Variants in CERS6 observed in about 807,000 individuals in gnomAD.
CERS6 encodes LAG1 homolog, ceramide synthase 6.
In CERS6, 26 loss-of-function variants were observed where a neutral mutation model predicts 56.8. That is an observed-to-expected ratio of 0.46 (90% CI 0.34 to 0.63). The LOEUF (loss-of-function observed/expected upper bound fraction) is 0.63, where lower values mean the gene tolerates loss of function less well. Among genes scored for constraint, CERS6 ranks in the 30% least tolerant of loss-of-function variants. The pLI is 0.01. For missense variants in CERS6, 415 were observed against 467.5 expected, an observed-to-expected ratio of 0.89 and a Z score of 1.04; for synonymous variants, 164 against 173.3, an observed-to-expected ratio of 0.95 and a Z score of 0.42.
At chr2:168,758,879 A>G (rs1684487764) in intron 8 of CERS6, among the ~76,000 whole-genome samples, 1 of 152,150 alleles carries the variant, frequency 6.6e-6, no homozygotes, top group Admixed American at 6.5e-5. Context: ...TTTAAGTCAC[A>G]GTGATGCTTA....
At chr2:168,620,430 A>C (rs1684441936) in intron 3 of CERS6, among the ~76,000 whole-genome samples, 1 of 152,152 alleles carries the variant, frequency 6.6e-6, no homozygotes, top group African/African-American at 2.4e-5. Context: ...AAAACAAAAA[A>C]AGTTTTTTAA....
intron 8 of CERS6, among the ~76,000 whole-genome samples, chr2:168,748,994 C>A (rs1684185184): frequency 6.6e-6 from 1 of 151,034 alleles, no homozygotes; most frequent in African/African-American, 2.4e-5. Context: ...CCTTCCTCCC[C>A]CTCTGTCTTA....
chr2:168,729,775 C>G (rs567901499), intron 8 of CERS6, among the ~76,000 whole-genome samples: 1 of 152,316 alleles, frequency 6.6e-6, no homozygotes, highest in South Asian at 2.1e-4. Flanking sequence ...CATATATTAT[C>G]ATTTAACTTT....
intron 1 of CERS6, among the ~76,000 whole-genome samples, chr2:168,463,726 G>A (rs1379491546): frequency 6.6e-6 from 1 of 152,070 alleles, no homozygotes; most frequent in East Asian, 1.9e-4. Context: ...GCGGCAACAT[G>A]GCAAAACCCC....
intron 1 of CERS6, among the ~76,000 whole-genome samples, chr2:168,465,944 G>C (rs1693864008): frequency 6.6e-6 from 1 of 151,626 alleles, no homozygotes; most frequent in African/African-American, 2.4e-5. Flanking sequence ...CATTTTCTTG[G>C]CTTGACATTT....
chr2:168,666,937 C>T (rs1184009786), intron 4 of CERS6, among the ~76,000 whole-genome samples: 1 of 152,146 alleles, frequency 6.6e-6, no homozygotes, highest in Admixed American at 6.5e-5. Flanking sequence ...TAATGCATAT[C>T]TTGTGTTTAT....
chr2:168,729,250 C>T (rs1448348603), intron 8 of CERS6, among the ~76,000 whole-genome samples: 1 of 152,170 alleles, frequency 6.6e-6, no homozygotes, highest in East Asian at 1.9e-4. Flanking sequence ...CATGCTAGGA[C>T]CGAGATTTGA....
At chr2:168,578,393 A>C (rs1683329916) in intron 3 of CERS6, among the ~76,000 whole-genome samples, 1 of 152,072 alleles carries the variant, frequency 6.6e-6, no homozygotes, top group Non-Finnish European at 1.5e-5. Context: ...TGAGGTAGTA[A>C]ATTTTTGTTA....
chr2:168,526,818 T>C (rs1368174121), intron 1 of CERS6, among the ~76,000 whole-genome samples: 1 of 152,222 alleles, frequency 6.6e-6, no homozygotes, highest in Non-Finnish European at 1.5e-5. Flanking sequence ...AATGTCCTGG[T>C]CAGTTAGTAT....
chr2:168,629,872 G>A lies in CERS6; in HGVS notation c.408-1113G>A, dbSNP rs568248543. On this transcript the variant is annotated intron_variant, in intron 3 of 9. Coordinates refer to ENST00000305747, the MANE Select transcript of CERS6 (RefSeq NM_203463.3). ...ACTCTGTTGCCCAGGCTGGAGTGCA[G>A]TGGTGGGATCTCGGCTCACTGCAAG... Among the ~76,000 whole-genome samples the A allele has an allele frequency of 3.3e-5, 5 of 151,890 alleles. No individual in the cohort carries two copies. The South Asian group carries it at 1.0e-3, about 32-fold the overall frequency.
At chr2:168,597,410 T>C (rs924940683) in intron 3 of CERS6, among the ~76,000 whole-genome samples, 1 of 152,216 alleles carries the variant, frequency 6.6e-6, no homozygotes, top group African/African-American at 2.4e-5. Flanking sequence ...GTTCAGATGT[T>C]CCACATAAAT....
intron 1 of CERS6, among the ~76,000 whole-genome samples, chr2:168,484,959 ATAAC>A (rs1694249351): frequency 1.3e-5 from 2 of 152,222 alleles, no homozygotes; most frequent in African/African-American, 4.8e-5. Flanking sequence ...AAACAAATGA[ATAAC>A]TAGGCATATT....
chr2:168,574,077 A>G (rs1240673044), intron 3 of CERS6, among the ~76,000 whole-genome samples: 1 of 152,124 alleles, frequency 6.6e-6, no homozygotes, highest in Non-Finnish European at 1.5e-5. Context: ...TCCATTATTC[A>G]TTGAGATAGT....
intron 4 of CERS6, among the ~76,000 whole-genome samples, chr2:168,690,752 A>G (rs1247351232): frequency 1.3e-5 from 2 of 152,160 alleles, no homozygotes; most frequent in Non-Finnish European, 2.9e-5. Context: ...TGTAGCAGGA[A>G]TATGTCTAAG....
At chr2:168,641,516 G>A (rs547076285) in intron 4 of CERS6, among the ~76,000 whole-genome samples, 21 of 152,212 alleles carry the variant, frequency 1.4e-4, no homozygotes, top group Admixed American at 1.2e-3. Flanking sequence ...GTAGCATCAC[G>A]TACATAGAAT....
intron 1 of CERS6, among the ~76,000 whole-genome samples, chr2:168,461,974 C>A (rs1329918381): frequency 6.6e-6 from 1 of 152,170 alleles, no homozygotes; most frequent in Non-Finnish European, 1.5e-5. Flanking sequence ...ATACCAGTTC[C>A]ATGGCTTTGT....
At chr2:168,617,243 G>A (rs967760993) in intron 3 of CERS6, among the ~76,000 whole-genome samples, 5 of 152,110 alleles carry the variant, frequency 3.3e-5, no homozygotes, top group African/African-American at 4.8e-5. Context: ...GGTGCTAAGA[G>A]GAAGGTTCAT....
intron 4 of CERS6, among the ~76,000 whole-genome samples, chr2:168,633,644 T>A (rs1165201739): frequency 2.6e-5 from 4 of 152,232 alleles, no homozygotes; most frequent in African/African-American, 7.2e-5. Flanking sequence ...TAAATACTTC[T>A]TTTAATGTAT....
rs1484115054 is a variant in CERS6, at chr2:168,470,977, G to A, written c.170+14359G>A. Reference sequence around the variant, plus strand: ...AAGGCTGCCTCGCTCAGAGGCAGGCGTTAGCTGTGGGTCTCTAAGCTTTAA... The same window carrying A: ...AAGGCTGCCTCGCTCAGAGGCAGGCATTAGCTGTGGGTCTCTAAGCTTTAA... On this transcript the variant is annotated intron_variant, in intron 1 of 9. Transcript: ENST00000305747. Among the ~76,000 whole-genome samples the A allele has an allele frequency of 4.6e-5, 7 of 151,384 alleles. No individual in the cohort carries two copies. In the East Asian group the frequency reaches 5.9e-4, roughly 13 times the overall value.
Sources: gnomAD v4.1 joint callset for allele counts (sites outside exome capture counted in the v4.1 genomes callset) on GRCh38, gnomAD v4.1.1 for gene constraint, MANE v1.5 for transcripts, NCBI Gene and HGNC (gene_info 2026-07-23, HGNC 2026-07-21) for gene names.